The following RABGAP1L variants were observed in gnomAD, a reference collection of about 807,000 sequenced individuals.
The protein encoded by RABGAP1L is rab GTPase-activating protein 1-like.
Under a neutral mutation model 137.7 loss-of-function variants are expected in RABGAP1L, and 63 were observed. That is an observed-to-expected ratio of 0.46 (90% CI 0.37 to 0.56). The LOEUF (loss-of-function observed/expected upper bound fraction) is 0.56, where lower values mean the gene tolerates loss of function less well. RABGAP1L is among the 20% of genes least tolerant of loss of function. The pLI is 0.00. For synonymous variants in RABGAP1L, 431 were observed against 433.7 expected (o/e 0.99, Z 0.08); for missense variants, 1,095 against 1,244.0 (o/e 0.88, Z 1.80).
chr1:174,442,202 TTATC>T (rs1235450331), intron 13 of RABGAP1L, among the ~76,000 whole-genome samples: 4 of 151,604 alleles, frequency 2.6e-5, no homozygotes, highest in Non-Finnish European at 5.9e-5. Flanking sequence ...TCACGAATAT[TTATC>T]AAATATAATT....
At chr1:174,706,577 A>C (rs992178727) in intron 17 of RABGAP1L, among the ~76,000 whole-genome samples, 13 of 152,184 alleles carry the variant, frequency 8.5e-5, no homozygotes, top group African/African-American at 3.1e-4. Context: ...TTTTTATTGA[A>C]GTATAATAAC....
chr1:174,719,657 G>T (rs1681326340), intron 17 of RABGAP1L, among the ~76,000 whole-genome samples: 1 of 152,188 alleles, frequency 6.6e-6, no homozygotes, highest in Non-Finnish European at 1.5e-5. Context: ...ACAAGATGGA[G>T]TATTGAGGAC....
intron 7 of RABGAP1L, among the ~76,000 whole-genome samples, chr1:174,259,450 TA>T (rs1673396224): frequency 6.6e-6 from 1 of 152,250 alleles, no homozygotes; most frequent in Non-Finnish European, 1.5e-5. Context: ...ACTTTTTAAC[TA>T]AGTACATCTA....
At chr1:174,606,297 C>G (rs775746611) in intron 13 of RABGAP1L, among the ~76,000 whole-genome samples, 16 of 152,154 alleles carry the variant, frequency 1.1e-4, no homozygotes, top group Middle Eastern at 3.4e-3. Context: ...TTGATTTTTC[C>G]TGAATTCATA....
intron 13 of RABGAP1L, among the ~76,000 whole-genome samples, chr1:174,443,611 T>A (rs376873217): frequency 1.3e-5 from 2 of 152,076 alleles, no homozygotes; most frequent in Non-Finnish European, 2.9e-5. Context: ...AGTTTGCAAA[T>A]ATTTTCCCAT....
At chr1:174,834,797 G>T (rs1010980072) in intron 19 of RABGAP1L, among the ~76,000 whole-genome samples, 4 of 152,186 alleles carry the variant, frequency 2.6e-5, no homozygotes, top group African/African-American at 9.7e-5. Context: ...AAGGCCCTCA[G>T]TAAGAAAGGT....
intron 6 of RABGAP1L, 90 bp downstream of exon 6, chr1:174,250,722 C>T: frequency 8.7e-7 from 1 of 1,147,770 alleles, no homozygotes; most frequent in Non-Finnish European, 1.2e-6. Context: ...ACAGTGTTGG[C>T]ATAAAGCCTC....
intron 18 of RABGAP1L, among the ~76,000 whole-genome samples, chr1:174,772,232 A>G (rs893304329): frequency 6.6e-6 from 1 of 151,838 alleles, no homozygotes. Flanking sequence ...AAAAATAACT[A>G]ATCTTCACTA....
chr1:174,549,699 T>G (rs1253919299), intron 13 of RABGAP1L, among the ~76,000 whole-genome samples: 1 of 152,120 alleles, frequency 6.6e-6, no homozygotes, highest in African/African-American at 2.4e-5. Context: ...AGAAGCTTAA[T>G]TTTTTTCCTA....
chr1:174,170,589 C>T (rs527994292), intron 1 of RABGAP1L, among the ~76,000 whole-genome samples: 2 of 149,954 alleles, frequency 1.3e-5, no homozygotes, highest in Non-Finnish European at 3.0e-5. Flanking sequence ...GTAGGAGAAT[C>T]GCTTGAACCA....
At chr1:174,838,152 G>C (rs973206401) in intron 19 of RABGAP1L, among the ~76,000 whole-genome samples, 2 of 152,146 alleles carry the variant, frequency 1.3e-5, no homozygotes, top group Non-Finnish European at 2.9e-5. Flanking sequence ...AAGTATAAAA[G>C]AAATACTTAA....
rs534264703 is a variant in RABGAP1L at position 174,729,565 on chromosome 1, A to G, written c.2170-22748A>G. Among the ~76,000 whole-genome samples the G allele has an allele frequency of 5.3e-5, 8 of 152,374 alleles. No individual in the cohort carries two copies. The East Asian group carries it at 1.2e-3, about 22-fold the overall frequency. ...GAATGGGAGATGATATTTGCAAAGC[A>G]TGCATCTGACAAAAGTCTAATACAT... is the stretch of plus-strand genomic sequence containing the variant. On this transcript the variant is annotated intron_variant, in intron 17 of 25. Transcript: ENST00000681986.
chr1:174,628,407 A>G (rs1232083322), intron 13 of RABGAP1L, among the ~76,000 whole-genome samples: 1 of 152,228 alleles, frequency 6.6e-6, no homozygotes, highest in Non-Finnish European at 1.5e-5. Context: ...CAGTTGAATA[A>G]TGGTTCTTAT....
At chr1:174,432,682 C>T (rs1253705840) in intron 13 of RABGAP1L, among the ~76,000 whole-genome samples, 3 of 152,144 alleles carry the variant, frequency 2.0e-5, no homozygotes, top group Non-Finnish European at 4.4e-5. Context: ...GGACTACAAG[C>T]GTGCGCCTCC....
chr1:174,883,465 C>G (rs1654584823), intron 19 of RABGAP1L, among the ~76,000 whole-genome samples: 1 of 152,016 alleles, frequency 6.6e-6, no homozygotes. Context: ...GTTGGGTTAC[C>G]CTGGAGAATT....
chr1:174,830,729 G>A lies in RABGAP1L; in HGVS notation c.2340+18769G>A, dbSNP rs575646934. ...TGACCTCAGGTGATCTGCCCACCTC[G>A]GCATCCCAAAGTGCTGGGATTACAG... On this transcript the variant is annotated intron_variant, in intron 19 of 25. Coordinates refer to ENST00000681986, the MANE Select transcript of RABGAP1L (RefSeq NM_001366446.1). 3.0e-4 allele frequency among the ~76,000 whole-genome samples: 44 copies of A among 148,198 alleles called. 4 individuals are homozygous for A. The highest frequency in any genetic ancestry group is 5.7e-4 in the Non-Finnish European group (38 of 66,632).
chr1:174,304,388 A>G (rs1223281182), intron 10 of RABGAP1L, among the ~76,000 whole-genome samples: 3 of 151,806 alleles, frequency 2.0e-5, no homozygotes, highest in Non-Finnish European at 4.4e-5. Context: ...TGTTTTATGT[A>G]TATGTATAAA....
At chr1:174,325,041 T>C in intron 11 of RABGAP1L, among the ~76,000 whole-genome samples, 1 of 152,164 alleles carries the variant, frequency 6.6e-6, no homozygotes, top group East Asian at 1.9e-4. Context: ...GAATACTGAA[T>C]TATTTCTGGC....
chr1:174,951,964 A>G (rs1397854961), intron 19 of RABGAP1L, among the ~76,000 whole-genome samples: 1 of 152,196 alleles, frequency 6.6e-6, no homozygotes, highest in African/African-American at 2.4e-5. Flanking sequence ...AGATCATGCC[A>G]TATATATTAC....
Sources: gnomAD v4.1 joint callset for allele counts (sites outside exome capture counted in the v4.1 genomes callset) on GRCh38, gnomAD v4.1.1 for gene constraint, MANE v1.5 for transcripts, NCBI Gene and HGNC (gene_info 2026-07-23, HGNC 2026-07-21) for gene names.